Variants in TXN observed in about 807,000 individuals in gnomAD.
TXN encodes ADF.
A neutral mutation model predicts 16.5 loss-of-function variants in TXN; 10 were observed. The ratio of observed to expected loss-of-function variants is 0.61; its 90% CI spans 0.37 to 1.03. TXN has a LOEUF of 1.03. Ranked by LOEUF, TXN falls within the 50% of genes least tolerant of loss-of-function variation. TXN has a pLI of 0.01. For synonymous variants in TXN, 35 were observed against 39.4 expected, an observed-to-expected ratio of 0.89 and a Z score of 0.42; for missense variants, 71 against 122.5, an observed-to-expected ratio of 0.58 and a Z score of 1.98.
chr9:110,254,530 AAACT>A (rs1207434724), intron 1 of TXN, among the ~76,000 whole-genome samples: 2 of 152,372 alleles, frequency 1.3e-5, no homozygotes, highest in Non-Finnish European at 2.9e-5. Context: ...CTCGAAAAAC[AAACT>A]AACAGACAAA....
In TXN at chr9:110,256,352, T is replaced by G; in HGVS notation, c.24+60A>C. On this transcript the variant is annotated intron_variant, in intron 1 of 4. Transcript: ENST00000374517. This position sits in a 1 kb window ranked among gnomAD's most constrained non-coding sequence, Gnocchi z 4.2. ...CCTTCCCCACCTCCCGCCACCGCCT[T>G]CCCCAGTTACAGAGGCCGCGCGCGG... 7.7e-6 allele frequency: 12 copies of G among 1,566,004 alleles called. No homozygotes were observed. The highest frequency in any genetic ancestry group is 1.0e-5 in the Non-Finnish European group (12 of 1,152,970).
intron 1 of TXN, among the ~76,000 whole-genome samples, chr9:110,255,525 AC>A (rs1402180736): frequency 1.3e-5 from 2 of 152,104 alleles, no homozygotes; most frequent in African/African-American, 4.8e-5. Flanking sequence ...CCCAGGAGGA[AC>A]CCTGGCTCCA....
intron 2 of TXN, 53 bp from the exon 3 acceptor site, chr9:110,250,932 A>G (rs1837725665): frequency 2.3e-6 from 3 of 1,289,536 alleles, no homozygotes; most frequent in South Asian, 2.5e-5. Context: ...GGTAATGGCA[A>G]TCAACATACC....
chr9:110,247,246 C>A (rs2118567402), intron 3 of TXN, among the ~76,000 whole-genome samples: 1 of 151,746 alleles, frequency 6.6e-6, no homozygotes, highest in Middle Eastern at 3.4e-3. Flanking sequence ...TCGCTTGAAC[C>A]CGGGAGGTGG....
rs199937630 is a variant in TXN at position 110,252,245 on chromosome 9, A to AAAAAAG, written c.25-784_25-783insCTTTTT. On this transcript the variant is annotated intron_variant, in intron 1 of 4. Transcript: ENST00000374517. ...TCGCAAAAAAAAAAAAAAAAAAAAA[A>AAAAAAG]GCTATGACTTTTGATTAAACTCATT... 5.9e-5 allele frequency among the ~76,000 whole-genome samples: 8 copies of AAAAAAG among 136,202 alleles called. 1 individual carries two copies. Among genetic ancestry groups the AAAAAAG allele is most frequent in the Admixed American group, 7.5e-5 (1 of 13,412 alleles). 89.4% of individuals were successfully genotyped at this position (136,202 alleles called of 152,430 possible). A position where few individuals can be genotyped will look rare whatever the true frequency, so the allele number is the denominator to read the frequency against.
Position 110,256,191 on chromosome 9 carries a change from TCTC to T in TXN, c.24+218_24+220del, listed in dbSNP as rs999414975. Among the ~76,000 whole-genome samples the T allele has an allele frequency of 2.6e-5, 4 of 152,038 alleles. No individual in the cohort carries two copies. The highest frequency in any genetic ancestry group is 9.6e-5 in the African/African-American group (4 of 41,504). ...CCGCCCTCCAGGGGACCCTCGTCCT[TCTC>T]CTCCCTTCCTCCAGGGCAGGCTCCA... On this transcript the variant is annotated intron_variant, in intron 1 of 4. Coordinates refer to ENST00000374517, the MANE Select transcript of TXN (RefSeq NM_003329.4). The surrounding 1 kb of genome is among the most constrained non-coding windows in gnomAD (Gnocchi z 4.2).
chr9:110,253,350 G>C (rs1837765840), intron 1 of TXN, among the ~76,000 whole-genome samples: 1 of 152,158 alleles, frequency 6.6e-6, no homozygotes, highest in Non-Finnish European at 1.5e-5. Flanking sequence ...GACATGGGGA[G>C]AGCTGCAGCA....
At position 110,252,580 on chromosome 9, in the gene TXN, G is replaced by C. The variant is rs1161430575; in HGVS notation, c.25-1118C>G. On this transcript the variant is annotated intron_variant, in intron 1 of 4. Coordinates refer to ENST00000374517, the MANE Select transcript of TXN (RefSeq NM_003329.4). ...GAAATCTCTTACCACTAACTTCCCT[G>C]AATTATTTACTATCTAGATACTGTA... is the stretch of plus-strand genomic sequence containing the variant. Among the ~76,000 whole-genome samples, 3 of 152,132 alleles carry C rather than the reference G, an allele frequency of 2.0e-5. No individual in the cohort carries two copies. The East Asian group carries it at 5.8e-4, about 29-fold the overall frequency.
At chr9:110,251,669 G>A (rs895991366) in intron 1 of TXN, among the ~76,000 whole-genome samples, 1 of 147,822 alleles carries the variant, frequency 6.8e-6, no homozygotes, top group South Asian at 2.2e-4. Context: ...ATTGTTGGTA[G>A]TGTTACTTGA....
At chr9:110,250,048 C>A (rs1587923086) in intron 3 of TXN, among the ~76,000 whole-genome samples, 1 of 152,356 alleles carries the variant, frequency 6.6e-6, no homozygotes, top group East Asian at 1.9e-4. Context: ...AGCACCCGAT[C>A]TACACCCACA....
Position 110,245,643 on chromosome 9 carries a change from TATA to T in TXN, c.190-803_190-801del, listed in dbSNP as rs1266399294. Among the ~76,000 whole-genome samples the T allele has an allele frequency of 3.1e-3, 114 of 37,024 alleles. 8 individuals are homozygous for T. The highest frequency in any genetic ancestry group is 6.2e-3 in the South Asian group (5 of 810). The allele number at this position is 37,024 out of a possible 152,430, so 24.3% of individuals were successfully genotyped here. ...CTATATATATATATATATATATATA[TATA>T]TATATATATTTTTTTTTTTTTTTTT... is the stretch of plus-strand genomic sequence containing the variant. On this transcript the variant is annotated intron_variant, in intron 3 of 4. Coordinates refer to ENST00000374517, the MANE Select transcript of TXN (RefSeq NM_003329.4).
rs1249824768 is a variant in TXN at position 110,251,363 on chromosome 9, A to G, written c.124T>C (p.Phe42Leu). The G allele has an allele frequency of 1.2e-6, 2 of 1,609,262 alleles. No individual in the cohort carries two copies. Among genetic ancestry groups the G allele is most frequent in the South Asian group, 1.1e-5 (1 of 90,926 alleles). Residue 42 changes from phenylalanine to leucine, a missense_variant, in exon 2 of 5, where the codon TTT (phenylalanine) becomes CTT (leucine). Phe to Leu is a conservative substitution (Grantham distance 22). Coordinates refer to ENST00000374517, the MANE Select transcript of TXN (RefSeq NM_003329.4). ...CGPCKMIKPF[F>L]HSLSEKYSNV... ...AGACATTGTTTAATACTCACATGAA[A>G]GAAAGGCTTGATCATTTTGCAAGGC...
chr9:110,245,654 A>ATATATATATATTT (rs1232332404), intron 3 of TXN, among the ~76,000 whole-genome samples: 3 of 21,784 alleles, frequency 1.4e-4, no homozygotes, highest in African/African-American at 5.9e-4. Flanking sequence ...ATATATATAT[A>ATATATATATATTT]TTTTTTTTTT....
At position 110,251,740 on chromosome 9, in the gene TXN, A is replaced by G. The variant is rs972797902; in HGVS notation, c.25-278T>C. Among the ~76,000 whole-genome samples the G allele has an allele frequency of 3.9e-5, 6 of 152,242 alleles. No homozygotes were observed. The East Asian group carries it at 7.7e-4, about 20-fold the overall frequency. ...ATTCTCTTCATAACTATTTTATAAA[A>G]TATTGTGAACTGGCTATTTTTTCTC... On this transcript the variant is annotated intron_variant, in intron 1 of 4. Transcript: ENST00000374517.
chr9:110,253,656 A>C (rs1291913286), intron 1 of TXN, among the ~76,000 whole-genome samples: 2 of 152,172 alleles, frequency 1.3e-5, no homozygotes, highest in Middle Eastern at 3.4e-3. Context: ...AAATTTAAGC[A>C]CAAGTACCTA....
chr9:110,250,889 T>C lies in TXN; in HGVS notation c.130-10A>G. 1 of 1,605,902 alleles carries C rather than the reference T, an allele frequency of 6.2e-7. No homozygotes were observed. The highest frequency in any genetic ancestry group is 8.5e-7 in the Non-Finnish European group (1 of 1,176,578). On this transcript the variant is annotated splice_polypyrimidine_tract_variant and intron_variant, in intron 2 of 4. Coordinates refer to ENST00000374517, the MANE Select transcript of TXN (RefSeq NM_003329.4). ...ACTTTTCAGAGAGGGACTGGAAAAT[T>C]TAAAATGAAAAATCCAAAAAGATTT...
intron 1 of TXN, among the ~76,000 whole-genome samples, chr9:110,252,363 ACATAAG>A (rs1431573263): frequency 4.6e-5 from 7 of 152,170 alleles, no homozygotes; most frequent in Non-Finnish European, 1.0e-4. Flanking sequence ...ATCACCGTTG[ACATAAG>A]CATAATGGGG....
intron 1 of TXN, among the ~76,000 whole-genome samples, chr9:110,254,543 A>C (rs2118583445): frequency 6.6e-6 from 1 of 152,328 alleles, no homozygotes; most frequent in South Asian, 2.1e-4. Flanking sequence ...CTAACAGACA[A>C]ATAACAATCA....
chr9:110,247,762 A>G (rs929420317), intron 3 of TXN, among the ~76,000 whole-genome samples: 2 of 152,200 alleles, frequency 1.3e-5, no homozygotes, highest in African/African-American at 2.4e-5. Context: ...CTTTAATTTC[A>G]TTATTAATTT....
Sources: gnomAD v4.1 joint callset for allele counts (sites outside exome capture counted in the v4.1 genomes callset) on GRCh38, gnomAD v4.1.1 for gene constraint, Gnocchi (gnomAD v3.1) non-coding constraint, MANE v1.5 for transcripts, NCBI Gene and HGNC (gene_info 2026-07-23, HGNC 2026-07-21) for gene names.